HDAC9: variants seen among roughly 807,000 people sequenced by gnomAD.
HDAC9 encodes MEF-2 interacting transcription repressor (MITR) protein.
Under a neutral mutation model 139.4 loss-of-function variants are expected in HDAC9, and 41 were observed. That is an observed-to-expected ratio of 0.29 (90% CI 0.23 to 0.38). The LOEUF (loss-of-function observed/expected upper bound fraction) is 0.38. Ranked by LOEUF, HDAC9 falls within the 10% of genes least tolerant of loss-of-function variation. The pLI is 1.00. For synonymous variants in HDAC9, 517 were observed against 476.2 expected (o/e 1.09, Z -1.12); for missense variants, 1,147 against 1,297.0 (o/e 0.88, Z 1.78).
intron 12 of HDAC9, among the ~76,000 whole-genome samples, chr7:18,688,233 T>C (rs899360646): frequency 6.6e-6 from 1 of 151,824 alleles, no homozygotes; most frequent in Non-Finnish European, 1.5e-5. Flanking sequence ...AAGAATAATA[T>C]TCTCAGAGAG....
intron 17 of HDAC9, among the ~76,000 whole-genome samples, chr7:18,824,084 G>GAAGAAGAAGAAC (rs1554367982): frequency 9.0e-5 from 13 of 144,370 alleles, no homozygotes; most frequent in South Asian, 2.2e-4. Context: ...AGAAGAAGAA[G>GAAGAAGAAGAAC]AAGAACAAGA....
At chr7:18,912,321 A>G (rs1239511030) in intron 22 of HDAC9, among the ~76,000 whole-genome samples, 1 of 152,018 alleles carries the variant, frequency 6.6e-6, no homozygotes, top group African/African-American at 2.4e-5. Context: ...AAAAACCTTT[A>G]CCCCTAAGTT....
chr7:18,937,128 C>T (rs1268203469), intron 23 of HDAC9, among the ~76,000 whole-genome samples: 2 of 150,558 alleles, frequency 1.3e-5, no homozygotes, highest in Non-Finnish European at 1.5e-5. Flanking sequence ...CAACCTCCGC[C>T]ACCCGGGTTG....
At chr7:18,960,960 C>T (rs960221683) in intron 24 of HDAC9, among the ~76,000 whole-genome samples, 1 of 152,166 alleles carries the variant, frequency 6.6e-6, no homozygotes, top group Admixed American at 6.6e-5. Flanking sequence ...GTTGTTTCTC[C>T]AGATTGCAAC....
intron 2 of HDAC9, among the ~76,000 whole-genome samples, chr7:18,269,784 A>G (rs1411797742): frequency 1.3e-5 from 2 of 152,144 alleles, no homozygotes; most frequent in Non-Finnish European, 2.9e-5. Flanking sequence ...ACACATATAT[A>G]TGCATGGGAA....
intron 2 of HDAC9, among the ~76,000 whole-genome samples, chr7:18,538,397 C>G (rs576832051): frequency 6.6e-6 from 1 of 152,282 alleles, no homozygotes; most frequent in South Asian, 2.1e-4. Context: ...GAAACCGTGA[C>G]AGGAATTTAT....
chr7:18,903,569 G>T (rs1393062203), intron 22 of HDAC9, among the ~76,000 whole-genome samples: 4 of 152,076 alleles, frequency 2.6e-5, no homozygotes, highest in African/African-American at 9.7e-5. Context: ...CGTTTCACTG[G>T]CAGCCAGCAT....
intron 6 of HDAC9, among the ~76,000 whole-genome samples, chr7:18,603,426 C>T (rs1834526714): frequency 6.6e-6 from 1 of 151,960 alleles, no homozygotes; most frequent in Non-Finnish European, 1.5e-5. Context: ...ATTCAGTGCT[C>T]TCTACTCTCT....
chr7:18,207,633 G>T, intron 2 of HDAC9, among the ~76,000 whole-genome samples: 1 of 146,284 alleles, frequency 6.8e-6, no homozygotes, highest in East Asian at 2.1e-4. Context: ...CATGTCTTTT[G>T]CCACACACGT....
Position 18,364,138 on chromosome 7 carries a change from G to A in HDAC9, c.-42+73623G>A, listed in dbSNP as rs752390316. Among the ~76,000 whole-genome samples the A allele has an allele frequency of 9.9e-4, 150 of 152,094 alleles. 2 individuals are homozygous for A. The highest frequency in any genetic ancestry group is 9.6e-4 in the Non-Finnish European group (65 of 67,994). ...CTTATTTTCAGGATGCAAAGTTGGC[G>A]TCACTGACTTGCTCATGGCTTCTTG... On this transcript the variant is annotated intron_variant, in intron 1 of 3. Transcript: ENST00000413509.
At chr7:18,406,228 C>T (rs930907997) in intron 1 of HDAC9, among the ~76,000 whole-genome samples, 3 of 151,962 alleles carry the variant, frequency 2.0e-5, no homozygotes, top group Admixed American at 2.0e-4. Flanking sequence ...GTAGAGTTAA[C>T]ACAAAACATT....
chr7:18,732,488 T>A (rs1786159885), intron 13 of HDAC9, among the ~76,000 whole-genome samples: 1 of 151,238 alleles, frequency 6.6e-6, no homozygotes, highest in Non-Finnish European at 1.5e-5. Flanking sequence ...AGTGTATATA[T>A]GTGTATATAT....
At chr7:18,834,829 G>A (rs1585124178) in intron 19 of HDAC9, among the ~76,000 whole-genome samples, 1 of 152,238 alleles carries the variant, frequency 6.6e-6, no homozygotes, top group South Asian at 2.1e-4. Context: ...TGAACTGAAC[G>A]CTTCAAGAAA....
intron 2 of HDAC9, among the ~76,000 whole-genome samples, chr7:18,575,089 CAT>C (rs1013685847): frequency 6.6e-6 from 1 of 152,246 alleles, no homozygotes; most frequent in Admixed American, 6.5e-5. Context: ...ACTGCCATCA[CAT>C]GTTTTCCCAT....
chr7:18,154,575 A>G (rs914164419), intron 1 of HDAC9, among the ~76,000 whole-genome samples: 6 of 152,222 alleles, frequency 3.9e-5, no homozygotes, highest in East Asian at 1.9e-4. Flanking sequence ...CATAAGTTAA[A>G]TAATTCATGT....
chr7:18,884,890 C>G (rs1332536670), intron 22 of HDAC9, among the ~76,000 whole-genome samples: 2 of 152,192 alleles, frequency 1.3e-5, no homozygotes, highest in East Asian at 3.8e-4. Context: ...CTCCTCCTCT[C>G]TTTACTGTTT....
At chr7:18,389,175 T>G (rs1786230311) in intron 1 of HDAC9, among the ~76,000 whole-genome samples, 1 of 152,224 alleles carries the variant, frequency 6.6e-6, no homozygotes, top group South Asian at 2.1e-4. Context: ...TTTTGGCCAC[T>G]AAGCTAATAC....
At chr7:18,756,094 A>C (rs550186246) in intron 14 of HDAC9, among the ~76,000 whole-genome samples, 1 of 152,110 alleles carries the variant, frequency 6.6e-6, no homozygotes, top group African/African-American at 2.4e-5. Flanking sequence ...AATTGCACCC[A>C]GACAAAGGTA....
At chr7:18,983,531 T>G (rs2129343336) in intron 25 of HDAC9, among the ~76,000 whole-genome samples, 1 of 152,338 alleles carries the variant, frequency 6.6e-6, no homozygotes, top group East Asian at 1.9e-4. Flanking sequence ...AATCTAAATC[T>G]CTATGAAATT....
Sources: gnomAD v4.1 joint callset for allele counts (sites outside exome capture counted in the v4.1 genomes callset) on GRCh38, gnomAD v4.1.1 for gene constraint, MANE v1.5 for transcripts, NCBI Gene and HGNC (gene_info 2026-07-23, HGNC 2026-07-21) for gene names.